Variants in MCM10 observed in about 807,000 individuals in gnomAD.
MCM10 encodes minichromosome maintenance 10 replication initiation factor.
Under a neutral mutation model 109.9 loss-of-function variants are expected in MCM10, and 91 were observed. The ratio of observed to expected loss-of-function variants is 0.83; its 90% confidence interval spans 0.70 to 0.99. The LOEUF is 0.99. Among genes scored for constraint, MCM10 ranks in the 50% least tolerant of loss-of-function variants. The pLI is 0.00. For synonymous variants in MCM10, 380 were observed against 387.2 expected (o/e 0.98, Z 0.22); for missense variants, 1,077 against 1,061.2 (o/e 1.01, Z -0.21).
Position 13,173,898 on chromosome 10 carries a change from G to C in MCM10, c.592+1133G>C, listed in dbSNP as rs192953247. On this transcript the variant is annotated intron_variant, in intron 5 of 19. Coordinates refer to ENST00000378714, the MANE Select transcript of MCM10 (RefSeq NM_018518.5). ...GAGCAGTGATCCAAAGTCCCTTTGA[G>C]GGCAAACAACAATCTTATGAAAGAG... Among the ~76,000 whole-genome samples the C allele has an allele frequency of 8.5e-5, 13 of 152,110 alleles. No individual in the cohort carries two copies. In the East Asian group the frequency reaches 2.1e-3, roughly 25 times the overall value.
intron 2 of MCM10, among the ~76,000 whole-genome samples, chr10:13,169,986 G>A (rs995198735): frequency 8.5e-5 from 13 of 152,180 alleles, no homozygotes; most frequent in African/African-American, 1.7e-4. Flanking sequence ...GATTACAGGC[G>A]TGAGCCACCA....
At chr10:13,176,856 T>C (rs1419764547) in intron 6 of MCM10, among the ~76,000 whole-genome samples, 1 of 152,218 alleles carries the variant, frequency 6.6e-6, no homozygotes, top group Non-Finnish European at 1.5e-5. Context: ...ATCATACCAC[T>C]GCACTCCAGC....
intron 16 of MCM10, among the ~76,000 whole-genome samples, chr10:13,201,131 G>A (rs1025604193): frequency 1.3e-5 from 2 of 152,154 alleles, no homozygotes; most frequent in East Asian, 1.9e-4. Flanking sequence ...AGGTTACAGC[G>A]AGACTCCATC....
rs1834230559 is a variant in MCM10 at position 13,183,078 on chromosome 10, A to T, written c.1076A>T (p.Lys359Met). 2 of 1,614,074 alleles carry T rather than the reference A, an allele frequency of 1.2e-6. No homozygotes were observed. Among genetic ancestry groups the T allele is most frequent in the East Asian group, 4.5e-5 (2 of 44,878 alleles). The change falls in exon 8 of 20, where the codon AAG becomes ATG. Residue 359 changes from lysine to methionine, a missense_variant. Transcript: ENST00000378714. ...VVGILNANPMKPKDGSEEVCL... is the reference protein window; with the variant it reads ...VVGILNANPMMPKDGSEEVCL... The stretch of plus-strand genomic sequence containing the variant: ...GGGATCCTCAATGCCAACCCCATGA[A>T]GCCCAAGGATGGTTCAGAGGAGGTA...
intron 1 of MCM10, among the ~76,000 whole-genome samples, chr10:13,163,725 T>C (rs1833958203): frequency 6.6e-6 from 1 of 152,238 alleles, no homozygotes; most frequent in Non-Finnish European, 1.5e-5. Flanking sequence ...AAAGACAAGG[T>C]CTTGCTATGT....
chr10:13,204,311 T>A lies in MCM10; in HGVS notation c.2445T>A (p.Cys815Ter). The change falls in exon 18 of 20, where the codon TGT becomes TGA. Residue 815 changes from cysteine (C) to a stop codon, truncating the protein, a stop_gained. Transcript: ENST00000378714. LOFTEE classifies it high-confidence loss of function. Reference sequence around the variant, plus strand: ...ATGGTGTGAAGAGGTTTTTCAAATGTCCCTGTGGAAACAGAAGCATCTCCT... The same window carrying A: ...ATGGTGTGAAGAGGTTTTTCAAATGACCCTGTGGAAACAGAAGCATCTCCT... ...WHDGVKRFFK[C>*]PCGNRSISLD... 2.5e-6 allele frequency: 4 copies of A among 1,614,168 alleles called. No individual in the cohort carries two copies. The highest frequency in any genetic ancestry group is 3.4e-6 in the Non-Finnish European group (4 of 1,180,032).
At chr10:13,184,661 A>G (rs1834251554) in intron 8 of MCM10, among the ~76,000 whole-genome samples, 1 of 152,228 alleles carries the variant, frequency 6.6e-6, no homozygotes, top group Non-Finnish European at 1.5e-5. Context: ...TAACAAACAA[A>G]CTTAAGTATA....
intron 13 of MCM10, 109 bp from the exon 14 acceptor site, chr10:13,194,932 A>G: frequency 4.5e-6 from 4 of 893,462 alleles, no homozygotes; most frequent in Admixed American, 2.6e-5. Context: ...TTTGCTAACA[A>G]CTAGCTCCCA....
At position 13,182,448 on chromosome 10, in the gene MCM10, C is replaced by T. The variant is rs1481684483; in HGVS notation, c.931-485C>T. On this transcript the variant is annotated intron_variant, in intron 7 of 19. Coordinates refer to ENST00000378714, the MANE Select transcript of MCM10 (RefSeq NM_018518.5). This position sits in a 1 kb window ranked among gnomAD's most constrained non-coding sequence, Gnocchi z 4.2. ...ACATGATTGCACCACTGCACTCCAACCTGGATGACAGAGCAAGACTCTGTC... is the reference window on the plus strand; with the variant it reads ...ACATGATTGCACCACTGCACTCCAATCTGGATGACAGAGCAAGACTCTGTC... Among the ~76,000 whole-genome samples the T allele has an allele frequency of 6.6e-6, 1 of 152,084 alleles. No individual in the cohort carries two copies. Among genetic ancestry groups the T allele is most frequent in the Non-Finnish European group, 1.5e-5 (1 of 68,016 alleles).
In MCM10 at chr10:13,164,131, A is replaced by G; in HGVS notation, c.-72A>G. On this transcript the variant is annotated 5_prime_UTR_variant, in exon 2 of 20. Coordinates refer to ENST00000378714, the MANE Select transcript of MCM10 (RefSeq NM_018518.5). ...TTCTAATATTGCTTTCACACAGCCAAGATTCTACATTGCTCATCTGGGCAT... is the reference window on the plus strand; with the variant it reads ...TTCTAATATTGCTTTCACACAGCCAGGATTCTACATTGCTCATCTGGGCAT... 1.5e-6 allele frequency: 2 copies of G among 1,376,528 alleles called. No homozygotes were observed. Among genetic ancestry groups the G allele is most frequent in the South Asian group, 2.8e-5 (2 of 72,406 alleles). The allele number at this position is 1,376,528 out of a possible 1,614,324, so 85.3% of individuals were successfully genotyped here.
intron 2 of MCM10, among the ~76,000 whole-genome samples, chr10:13,169,282 C>A (rs1321520820): frequency 6.6e-6 from 1 of 152,222 alleles, no homozygotes; most frequent in African/African-American, 2.4e-5. Context: ...CAACCCATTT[C>A]TCTGGGACCT....
At chr10:13,191,470 ACATTGGG>A in intron 11 of MCM10, 71 bp downstream of exon 11, 2 of 1,264,816 alleles carry the variant, frequency 1.6e-6, no homozygotes, top group South Asian at 2.4e-5. Flanking sequence ...AAAAGACTAC[ACATTGGG>A]TACAGGGTAC....
intron 8 of MCM10, among the ~76,000 whole-genome samples, chr10:13,184,738 A>T (rs1372198925): frequency 6.6e-6 from 1 of 152,314 alleles, no homozygotes; most frequent in East Asian, 1.9e-4. Context: ...AGATTTAAAC[A>T]CTATAGTGAT....
intron 14 of MCM10, 119 bp from the exon 15 acceptor site, chr10:13,197,504 C>T: frequency 4.8e-6 from 4 of 829,082 alleles, no homozygotes; most frequent in Non-Finnish European, 7.5e-6. Flanking sequence ...ATATGTTCTG[C>T]CAATTTCTGT....
At position 13,195,005 on chromosome 10, in the gene MCM10, C is replaced by G. The variant is rs751654644; in HGVS notation, c.1746-36C>G. On this transcript the variant is annotated intron_variant, in intron 13 of 19. Transcript: ENST00000378714. ...GTTCTAGAGTTTTTATTTTCGTAAA[C>G]CCTGTTTGCGTATTTTGACTGTATG... is the stretch of plus-strand genomic sequence containing the variant. The G allele has an allele frequency of 7.6e-6, 12 of 1,581,626 alleles. No individual in the cohort carries two copies. The African/African-American group carries it at 1.6e-4, about 21-fold the overall frequency.
At chr10:13,163,554 T>C (rs1564378049) in intron 1 of MCM10, among the ~76,000 whole-genome samples, 1 of 152,068 alleles carries the variant, frequency 6.6e-6, no homozygotes, top group Non-Finnish European at 1.5e-5. Flanking sequence ...TAGTATTGAA[T>C]CAAAATCCTG....
In MCM10 at chr10:13,209,320, C is replaced by G; in HGVS notation, c.*10C>G. 1 of 1,609,312 alleles carries G rather than the reference C, an allele frequency of 6.2e-7. No individual in the cohort carries two copies. Among genetic ancestry groups the G allele is most frequent in the East Asian group, 2.2e-5 (1 of 44,864 alleles). On this transcript the variant is annotated 3_prime_UTR_variant, in exon 20 of 20. Coordinates refer to ENST00000378714, the MANE Select transcript of MCM10 (RefSeq NM_018518.5). ...GAACAGCCTTAAATAACCCGAACTTCAGACATTTTCCCACAGACTTCCTGG... is the reference window on the plus strand; with the variant it reads ...GAACAGCCTTAAATAACCCGAACTTGAGACATTTTCCCACAGACTTCCTGG...
At chr10:13,193,563 C>G (rs995506561) in intron 13 of MCM10, among the ~76,000 whole-genome samples, 2 of 152,108 alleles carry the variant, frequency 1.3e-5, no homozygotes, top group African/African-American at 2.4e-5. Flanking sequence ...CTTTTGCCAT[C>G]CCGAATCTGG....
At chr10:13,186,378 G>C in intron 9 of MCM10, 98 bp downstream of exon 9, 1 of 748,640 alleles carries the variant, frequency 1.3e-6, no homozygotes, top group Non-Finnish European at 2.2e-6. Context: ...TTGGAACTGA[G>C]TTTCCCACTT....
Sources: allele counts gnomAD v4.1 joint callset (sites outside exome capture counted in the v4.1 genomes callset), GRCh38; gene constraint gnomAD v4.1.1; non-coding constraint Gnocchi (gnomAD v3.1); transcripts MANE v1.5; gene names NCBI Gene and HGNC (gene_info 2026-07-23, HGNC 2026-07-21).